STK39: variants seen among roughly 807,000 people sequenced by gnomAD.
The protein encoded by STK39 is STE20/SPS1-related proline-alanine-rich protein kinase.
In STK39, 20 loss-of-function variants were observed where a neutral mutation model predicts 77.8. The ratio of observed to expected loss-of-function variants is 0.26; its 90% CI spans 0.18 to 0.37. STK39 has a LOEUF of 0.37. Among genes scored for constraint, STK39 ranks in the 10% least tolerant of loss-of-function variants. The probability of loss-of-function intolerance (pLI) is 1.00; values close to 1 mark genes in which losing one functional copy is unlikely to be tolerated. For missense variants in STK39, 479 were observed against 656.5 expected, an observed-to-expected ratio of 0.73 and a Z score of 2.95; for synonymous variants, 246 against 234.1, an observed-to-expected ratio of 1.05 and a Z score of -0.47.
At chr2:167,972,034 T>C (rs1314290887) in intron 16 of STK39, among the ~76,000 whole-genome samples, 1 of 152,214 alleles carries the variant, frequency 6.6e-6, no homozygotes, top group Admixed American at 6.5e-5. Flanking sequence ...GCTTTTTGCC[T>C]GTGGTTGATG....
At chr2:168,052,065 C>T (rs1437832421) in intron 14 of STK39, among the ~76,000 whole-genome samples, 4 of 151,810 alleles carry the variant, frequency 2.6e-5, no homozygotes, top group Non-Finnish European at 4.4e-5. Flanking sequence ...CACATCCACA[C>T]TTTCAAATGT....
At chr2:168,235,098 C>T (rs1303050481) in intron 1 of STK39, among the ~76,000 whole-genome samples, 8 of 150,492 alleles carry the variant, frequency 5.3e-5, no homozygotes, top group South Asian at 4.2e-4. Context: ...AGTGCAGCGG[C>T]GTGATCTTGG....
At chr2:168,107,705 A>C (rs1210429086) in intron 10 of STK39, among the ~76,000 whole-genome samples, 3 of 152,236 alleles carry the variant, frequency 2.0e-5, no homozygotes, top group Non-Finnish European at 4.4e-5. Flanking sequence ...ATGCATGGGA[A>C]TATGACCCAA....
intron 10 of STK39, among the ~76,000 whole-genome samples, chr2:168,095,397 T>C (rs185573680): frequency 6.6e-6 from 1 of 152,212 alleles, no homozygotes; most frequent in African/African-American, 2.4e-5. Flanking sequence ...GATTTCTGAG[T>C]TCTACCCAAC....
At chr2:168,164,386 T>A (rs1559128352) in intron 3 of STK39, among the ~76,000 whole-genome samples, 1 of 152,094 alleles carries the variant, frequency 6.6e-6, no homozygotes, top group Non-Finnish European at 1.5e-5. Context: ...TGACACTACC[T>A]GATCTTTATT....
chr2:168,003,445 A>C (rs1249763235), intron 16 of STK39, among the ~76,000 whole-genome samples: 1 of 152,216 alleles, frequency 6.6e-6, no homozygotes, highest in Admixed American at 6.5e-5. Context: ...CAATTTTTCT[A>C]TTTAGGGAAT....
intron 1 of STK39, among the ~76,000 whole-genome samples, chr2:168,183,606 T>C (rs938038881): frequency 6.6e-6 from 1 of 152,170 alleles, no homozygotes; most frequent in Non-Finnish European, 1.5e-5. Flanking sequence ...TTCCATCCTA[T>C]ATGGTTCAAC....
At chr2:168,043,173 C>A (rs11681917) in intron 14 of STK39, among the ~76,000 whole-genome samples, 75,875 of 151,912 alleles carry the variant, frequency 0.5, 19,819 homozygotes, top group Non-Finnish European at 0.56. Context: ...TTTTACTCAG[C>A]AATCAGAGTA....
At chr2:168,184,646 C>CG (rs1192611384) in intron 1 of STK39, among the ~76,000 whole-genome samples, 1 of 134,202 alleles carries the variant, frequency 7.5e-6, no homozygotes, top group African/African-American at 2.9e-5. Flanking sequence ...TCCTTATCTA[C>CG]CATTCTGTGC....
intron 14 of STK39, among the ~76,000 whole-genome samples, chr2:168,050,322 C>T (rs1180949677): frequency 6.6e-6 from 1 of 152,204 alleles, no homozygotes; most frequent in Non-Finnish European, 1.5e-5. Flanking sequence ...TAAGGAGAGA[C>T]ACTTAAAATC....
chr2:168,219,841 G>A (rs1215696826), intron 1 of STK39, among the ~76,000 whole-genome samples: 6 of 150,064 alleles, frequency 4.0e-5, no homozygotes, highest in Non-Finnish European at 7.4e-5. Flanking sequence ...AAAAGGAGAC[G>A]TCAAGTTCCT....
chr2:168,045,879 C>T (rs76262801), intron 14 of STK39, among the ~76,000 whole-genome samples: 5,798 of 152,168 alleles, frequency 0.038, 394 homozygotes, highest in African/African-American at 0.13. Context: ...GGAACCCTCA[C>T]GAGTTACTGG....
intron 3 of STK39, 151 bp from the exon 4 acceptor site, chr2:168,164,031 G>C (rs1005970293): frequency 1.8e-6 from 2 of 1,133,262 alleles, no homozygotes; most frequent in African/African-American, 3.1e-5. Flanking sequence ...TTGAATGGGG[G>C]CCCCATGACC....
At chr2:168,026,929 G>A (rs537977009) in intron 14 of STK39, among the ~76,000 whole-genome samples, 9 of 152,098 alleles carry the variant, frequency 5.9e-5, no homozygotes, top group Non-Finnish European at 1.2e-4. Context: ...ACCAGCCTGG[G>A]ACACACCGTG....
intron 1 of STK39, among the ~76,000 whole-genome samples, chr2:168,224,644 T>C (rs1462119571): frequency 1.3e-5 from 2 of 152,206 alleles, no homozygotes; most frequent in African/African-American, 4.8e-5. Flanking sequence ...ATTTAAGAGA[T>C]TTTTCTCCTA....
intron 10 of STK39, among the ~76,000 whole-genome samples, chr2:168,098,378 A>G (rs1489682120): frequency 6.6e-6 from 1 of 152,154 alleles, no homozygotes; most frequent in Non-Finnish European, 1.5e-5. Context: ...TTTTATACCT[A>G]TTGCACTTTA....
chr2:167,965,269 C>T (rs117711684), intron 16 of STK39, among the ~76,000 whole-genome samples: 3 of 152,300 alleles, frequency 2.0e-5, no homozygotes, highest in East Asian at 3.9e-4. Flanking sequence ...ACAACTCAAG[C>T]GCATGTTTTA....
At position 168,182,082 on chromosome 2, in the gene STK39, C is replaced by T; in HGVS notation, c.217G>A (p.Ala73Thr). Residue 73 changes from alanine to threonine, a missense_variant, in exon 2 of 18, where the codon GCT (alanine) becomes ACT (threonine). By Grantham distance (58) the Ala-to-Thr change is moderately conservative. Coordinates refer to ENST00000355999, the MANE Select transcript of STK39 (RefSeq NM_013233.3). Reference protein sequence around the residue: ...YELQEVIGSGATAVVQAALCK... With the variant: ...YELQEVIGSGTTAVVQAALCK... ...AGGGCTGCCTGAACCACAGCAGTAG[C>T]TCCACTGCCTGCAATGAAATAAAAA... 6.2e-7 allele frequency: 1 copy of T among 1,613,678 alleles called. No individual in the cohort carries two copies.
chr2:168,124,398 A>T, intron 10 of STK39, among the ~76,000 whole-genome samples: 1 of 151,838 alleles, frequency 6.6e-6, no homozygotes, highest in East Asian at 1.9e-4. Flanking sequence ...TGTGGGTTAT[A>T]TTTTTTATTT....
Sources: gnomAD v4.1 joint callset for allele counts (sites outside exome capture counted in the v4.1 genomes callset) on GRCh38, gnomAD v4.1.1 for gene constraint, MANE v1.5 for transcripts, NCBI Gene and HGNC (gene_info 2026-07-23, HGNC 2026-07-21) for gene names.